MBNL2: variants seen among roughly 807,000 people sequenced by gnomAD.
MBNL2 encodes the protein muscleblind like splicing regulator 2.
MBNL2 carries 17 observed loss-of-function variants against 41.9 expected under a neutral mutation model. The observed-to-expected ratio is 0.41, with a 90% CI of 0.28 to 0.61. The LOEUF (loss-of-function observed/expected upper bound fraction) is 0.61, where lower values mean the gene tolerates loss of function less well. MBNL2 is among the 20% of genes least tolerant of loss of function. The pLI, the probability that MBNL2 is intolerant of heterozygous loss-of-function variation, is 0.35. For missense variants in MBNL2, 336 were observed against 505.6 expected, an observed-to-expected ratio of 0.66 and a Z score of 3.22; for synonymous variants, 195 against 182.9, an observed-to-expected ratio of 1.07 and a Z score of -0.53.
intron 1 of MBNL2, among the ~76,000 whole-genome samples, chr13:97,238,419 C>T (rs1351326920): frequency 6.6e-6 from 1 of 152,162 alleles, no homozygotes; most frequent in Non-Finnish European, 1.5e-5. Context: ...GCCTCATAAC[C>T]TCTCTCATTG....
the MBNL2 span, among the ~76,000 whole-genome samples, chr13:97,148,694 TCAC>T: frequency 6.6e-6 from 1 of 152,120 alleles, no homozygotes; most frequent in Non-Finnish European, 1.5e-5. Flanking sequence ...AAAAGACAAA[TCAC>T]CATTATTGTC....
the MBNL2 span, among the ~76,000 whole-genome samples, chr13:97,199,035 G>A: frequency 6.6e-6 from 1 of 152,128 alleles, no homozygotes; most frequent in East Asian, 1.9e-4. Context: ...GGAAGGTCCA[G>A]CATGATTTGC....
At chr13:97,309,236 A>G (rs1326121009) in intron 2 of MBNL2, among the ~76,000 whole-genome samples, 1 of 152,210 alleles carries the variant, frequency 6.6e-6, no homozygotes, top group African/African-American at 2.4e-5. Context: ...TTGAGCACGG[A>G]AATGAAAAAT....
At chr13:97,390,799 TG>T (rs1272577208) in intron 8 of MBNL2, among the ~76,000 whole-genome samples, 1 of 152,214 alleles carries the variant, frequency 6.6e-6, no homozygotes, top group Non-Finnish European at 1.5e-5. Context: ...TGTCGTTATG[TG>T]TTGGGAACAA....
chr13:97,351,686 C>T (rs983216632), intron 5 of MBNL2, among the ~76,000 whole-genome samples: 9 of 152,296 alleles, frequency 5.9e-5, no homozygotes, highest in African/African-American at 2.2e-4. Context: ...CTTCCTGTCT[C>T]CTTTCAGCCT....
chr13:97,175,162 C>G, the MBNL2 span, among the ~76,000 whole-genome samples: 1 of 152,278 alleles, frequency 6.6e-6, no homozygotes, highest in South Asian at 2.1e-4. Flanking sequence ...GACTTCCCAA[C>G]AGCCTGGCCA....
chr13:97,336,068 G>C (rs142373428), intron 3 of MBNL2, among the ~76,000 whole-genome samples: 2 of 152,146 alleles, frequency 1.3e-5, no homozygotes, highest in African/African-American at 4.8e-5. Context: ...GACTGACCCT[G>C]GTACTCACTG....
chr13:97,157,832 T>A, the MBNL2 span, among the ~76,000 whole-genome samples: 2 of 151,962 alleles, frequency 1.3e-5, no homozygotes, highest in Non-Finnish European at 2.9e-5. Context: ...TCAATGTTCA[T>A]CAAGGATATT....
At chr13:97,186,674 A>G in the MBNL2 span, among the ~76,000 whole-genome samples, 4 of 152,320 alleles carry the variant, frequency 2.6e-5, no homozygotes, top group Non-Finnish European at 4.4e-5. Context: ...GCCATCTCCA[A>G]CTATGGATAC....
chr13:97,249,054 T>C (rs1299861955), intron 1 of MBNL2, among the ~76,000 whole-genome samples: 1 of 152,250 alleles, frequency 6.6e-6, no homozygotes. Flanking sequence ...TATATTAAAC[T>C]ATATTTTACC....
the MBNL2 span, among the ~76,000 whole-genome samples, chr13:97,141,933 C>T: frequency 6.6e-6 from 1 of 152,156 alleles, no homozygotes. Flanking sequence ...CGTGTGATCA[C>T]CTTTTCTCCT....
At position 97,251,834 on chromosome 13, in the gene MBNL2, C is replaced by CTTTTTTTT. The variant is rs869034692; in HGVS notation, c.-604-23778_-604-23771dup. Among the ~76,000 whole-genome samples, 16 of 69,602 alleles carry CTTTTTTTT rather than the reference C, an allele frequency of 2.3e-4. 2 individuals carry two copies. Among genetic ancestry groups the CTTTTTTTT allele is most frequent in the African/African-American group, 8.9e-4 (16 of 17,942 alleles). The allele number at this position is 69,602 out of a possible 152,430, so 45.7% of individuals were successfully genotyped here. A position where few individuals can be genotyped will look rare whatever the true frequency, so the allele number is the denominator to read the frequency against. The stretch of plus-strand genomic sequence containing the variant: ...TATTTATTATCTTGTATCCTCAATT[C>CTTTTTTTT]TTTTTTTTTTTTTTTTTTTTTTTTT... On this transcript the variant is annotated intron_variant, in intron 1 of 8. Transcript: ENST00000679496.
chr13:97,256,937 A>G (rs537157994), intron 1 of MBNL2, among the ~76,000 whole-genome samples: 1 of 152,352 alleles, frequency 6.6e-6, no homozygotes, highest in African/African-American at 2.4e-5. Flanking sequence ...GCACATACAG[A>G]GGGTTTCATT....
chr13:97,252,089 A>G (rs2046671030), intron 1 of MBNL2, among the ~76,000 whole-genome samples: 1 of 151,666 alleles, frequency 6.6e-6, no homozygotes, highest in Non-Finnish European at 1.5e-5. Flanking sequence ...TGACCTCATG[A>G]TCCACCCGCC....
chr13:97,216,511 G>T (rs1418971905), upstream of MBNL2, among the ~76,000 whole-genome samples: 1 of 152,096 alleles, frequency 6.6e-6, no homozygotes, highest in Non-Finnish European at 1.5e-5. Flanking sequence ...CACAGACCAG[G>T]CCCGTCAGCA....
chr13:97,286,859 GCTGT>G (rs1182110686), intron 2 of MBNL2, among the ~76,000 whole-genome samples: 1 of 152,164 alleles, frequency 6.6e-6, no homozygotes, highest in African/African-American at 2.4e-5. Flanking sequence ...TTTACGTGAC[GCTGT>G]CTATCTACTG....
At chr13:97,207,915 C>G in the MBNL2 span, among the ~76,000 whole-genome samples, 4 of 152,196 alleles carry the variant, frequency 2.6e-5, no homozygotes, top group Non-Finnish European at 5.9e-5. Context: ...CTACAGGCCC[C>G]ATGCAAGTTT....
chr13:97,149,887 T>A, the MBNL2 span, among the ~76,000 whole-genome samples: 1 of 151,900 alleles, frequency 6.6e-6, no homozygotes, highest in African/African-American at 2.4e-5. Flanking sequence ...TGCAGGGGAG[T>A]CGTTCTCCCA....
Position 97,276,231 on chromosome 13 carries a change from T to C in MBNL2, c.-5T>C, listed in dbSNP as rs2052100582. 1.2e-6 allele frequency: 2 copies of C among 1,610,238 alleles called. No individual in the cohort carries two copies. The highest frequency in any genetic ancestry group is 4.5e-5 in the East Asian group (2 of 44,834). ...GAAACAAACAGCCCAAATTACTTTATCACCATGGCTTTGAACGTTGCCCCA... is the reference window on the plus strand; with the variant it reads ...GAAACAAACAGCCCAAATTACTTTACCACCATGGCTTTGAACGTTGCCCCA... On this transcript the variant is annotated 5_prime_UTR_variant, in exon 2 of 9. Coordinates refer to ENST00000679496, the MANE Select transcript of MBNL2 (RefSeq NM_001382683.1).
Sources: gnomAD v4.1 joint callset for allele counts (sites outside exome capture counted in the v4.1 genomes callset) on GRCh38, gnomAD v4.1.1 for gene constraint, MANE v1.5 for transcripts, NCBI Gene and HGNC (gene_info 2026-07-23, HGNC 2026-07-21) for gene names.